Variants in EXOC3L2 observed in about 807,000 individuals in gnomAD.
EXOC3L2 encodes exocyst complex component 3-like protein 2.
EXOC3L2 carries 17 observed loss-of-function variants against 44.4 expected under a neutral mutation model. The observed-to-expected ratio is 0.38, with a 90% confidence interval of 0.26 to 0.57. The LOEUF (loss-of-function observed/expected upper bound fraction) is 0.57. Ranked by LOEUF, EXOC3L2 falls within the 20% of genes least tolerant of loss-of-function variation. The pLI is 0.65. For synonymous variants in EXOC3L2, 256 were observed against 253.7 expected (o/e 1.01, Z -0.09); for missense variants, 541 against 588.4 (o/e 0.92, Z 0.83).
chr19:45,230,905 C>T (rs1192475291), intron 4 of EXOC3L2, among the ~76,000 whole-genome samples: 2 of 151,282 alleles, frequency 1.3e-5, no homozygotes, highest in African/African-American at 2.4e-5. Flanking sequence ...GGCAAAATGG[C>T]AAGACCCTGT....
At chr19:45,244,349 T>C (rs1387140308) in intron 1 of EXOC3L2, among the ~76,000 whole-genome samples, 2 of 152,108 alleles carry the variant, frequency 1.3e-5, no homozygotes, top group Non-Finnish European at 1.5e-5. Flanking sequence ...TTCCCTCCAA[T>C]TGAAGTCAAC....
At chr19:45,224,971 A>C in intron 7 of EXOC3L2, 58 bp from the exon 8 acceptor site, 1 of 1,477,434 alleles carries the variant, frequency 6.8e-7, no homozygotes, top group Non-Finnish European at 9.0e-7. Context: ...CCAACTGCCT[A>C]GGCCTGTCTT....
chr19:45,213,484 T>G, intron 11 of EXOC3L2, 127 bp from the exon 12 acceptor site: 2 of 1,101,954 alleles, frequency 1.8e-6, no homozygotes, highest in Non-Finnish European at 2.6e-6. Context: ...GGCCTCTGTG[T>G]CCCCTCCAGA....
At chr19:45,219,998 C>T (rs775969647) in intron 8 of EXOC3L2, among the ~76,000 whole-genome samples, 8 of 151,246 alleles carry the variant, frequency 5.3e-5, no homozygotes, top group Non-Finnish European at 1.2e-4. Context: ...ATGGTGAAAC[C>T]CCATCTCTAC....
intron 8 of EXOC3L2, 123 bp downstream of exon 8, chr19:45,224,655 G>GC (rs1969935301): frequency 2.2e-6 from 3 of 1,372,972 alleles, no homozygotes; most frequent in South Asian, 1.6e-5. Flanking sequence ...AACTGCCCCT[G>GC]CCCCCCGCCC....
chr19:45,227,603 C>T (rs1210093425), intron 7 of EXOC3L2, 59 bp downstream of exon 7: 17 of 1,470,542 alleles, frequency 1.2e-5, no homozygotes, highest in Admixed American at 1.9e-5. Flanking sequence ...ATCCGGGCAT[C>T]CCAGGTCAGC....
At position 45,218,233 on chromosome 19, in the gene EXOC3L2, G is replaced by A. The variant is rs1969858761; in HGVS notation, c.1806C>T (p.Ala602=). The A allele has an allele frequency of 6.3e-7, 1 of 1,584,502 alleles. No homozygotes were observed. The highest frequency in any genetic ancestry group is 1.4e-5 in the African/African-American group (1 of 73,700). Residue 602 remains alanine, a synonymous_variant, in exon 9 of 12, where the codon GCC becomes GCT. Coordinates refer to ENST00000413988, the MANE Select transcript of EXOC3L2 (RefSeq NM_001382422.1). ...CGTCCTGCATTCTGCGCAGGGCCAGGGCCTGGGCACCCAGCGTGCCCACGA... is the reference window on the plus strand; with the variant it reads ...CGTCCTGCATTCTGCGCAGGGCCAGAGCCTGGGCACCCAGCGTGCCCACGA... ...DGIVGTLGAQ[A]LALRRMQDEP...
intron 1 of EXOC3L2, among the ~76,000 whole-genome samples, chr19:45,241,212 C>T (rs570098194): frequency 8.6e-5 from 13 of 152,026 alleles, no homozygotes; most frequent in Admixed American, 1.3e-4. Context: ...CAAACCAGGC[C>T]GGGTGCAGTG....
chr19:45,234,722 G>C lies in EXOC3L2; in HGVS notation c.628C>G (p.Pro210Ala). The change falls in exon 3 of 12, where the codon CCT becomes GCT. Residue 210 changes from proline (P) to alanine (A), a missense_variant. Physicochemically the swap from Pro to Ala is conservative, Grantham distance 27. Coordinates refer to ENST00000413988, the MANE Select transcript of EXOC3L2 (RefSeq NM_001382422.1). The surrounding 1 kb of genome is among the most constrained non-coding windows in gnomAD (Gnocchi z 5.0). ...EELAPSRGGA[P>A]GPPKAEGAGG... is the part of the protein sequence containing the mutation. ...GCGCCCTCGGCCTTGGGAGGCCCAG[G>C]CGCGCCGCCCCTCGACGGCGCCAGC... 2 of 392,396 alleles carry C rather than the reference G, an allele frequency of 5.1e-6. No homozygotes were observed. The highest frequency in any genetic ancestry group is 9.0e-6 in the Non-Finnish European group (2 of 221,992). The allele number at this position is 392,396 out of a possible 1,614,324, so 24.3% of individuals were successfully genotyped here.
intron 4 of EXOC3L2, 115 bp downstream of exon 4, chr19:45,231,648 A>C (rs1970032884): frequency 2.3e-6 from 2 of 886,748 alleles, no homozygotes; most frequent in Admixed American, 5.1e-5. Context: ...AGAAGTTCGT[A>C]AAGGGAAAAG....
At position 45,238,691 on chromosome 19, in the gene EXOC3L2, C is replaced by G. The variant is rs1183426774; in HGVS notation, c.355G>C (p.Glu119Gln). ...CGGGCGGCCTCCCCCGCTGCCTCCT[C>G]GTCGCCGTGGGCTCGGGTCCCATGC... is the stretch of plus-strand genomic sequence containing the variant. ...RLHGTRAHGD[E>Q]EAAGEAARRL... Residue 119 changes from glutamate (E) to glutamine (Q), a missense_variant, in exon 2 of 12, where the codon GAG (glutamate) becomes CAG (glutamine). Glu to Gln is a conservative substitution (Grantham distance 29). Transcript: ENST00000413988. This position sits in a 1 kb window ranked among gnomAD's most constrained non-coding sequence, Gnocchi z 5.5. The G allele has an allele frequency of 1.3e-5, 5 of 399,010 alleles. No individual in the cohort carries two copies. The highest frequency in any genetic ancestry group is 2.2e-5 in the Non-Finnish European group (5 of 226,000). The allele number at this position is 399,010 out of a possible 1,614,324, so 24.7% of individuals were successfully genotyped here.
At chr19:45,241,599 C>T (rs577599164) in intron 1 of EXOC3L2, among the ~76,000 whole-genome samples, 2 of 152,278 alleles carry the variant, frequency 1.3e-5, no homozygotes, top group East Asian at 3.9e-4. Context: ...AGCCTTCATG[C>T]TCTGGCAGCT....
intron 2 of EXOC3L2, among the ~76,000 whole-genome samples, chr19:45,235,594 C>G (rs67915086): frequency 0.36 from 53,999 of 151,838 alleles, 10,099 homozygotes; most frequent in African/African-American, 0.39. Context: ...TCGAGAAAGG[C>G]GAGTCGGGCT....
At chr19:45,242,618 T>C (rs1970139309) in intron 1 of EXOC3L2, among the ~76,000 whole-genome samples, 2 of 151,892 alleles carry the variant, frequency 1.3e-5, no homozygotes, top group South Asian at 4.2e-4. Context: ...TCCCAGCACT[T>C]TGGGAGGCCG....
At chr19:45,218,172 C>T in intron 9 of EXOC3L2, 25 bp downstream of exon 9, 1 of 1,349,054 alleles carries the variant, frequency 7.4e-7, no homozygotes. Flanking sequence ...CCACCCCCAC[C>T]TCCCCTCCCC....
chr19:45,229,160 A>G (rs2122977188), intron 4 of EXOC3L2, among the ~76,000 whole-genome samples: 1 of 149,982 alleles, frequency 6.7e-6, no homozygotes, highest in East Asian at 1.9e-4. Context: ...GCAAGGGCTT[A>G]ATTGTGTGTG....
At chr19:45,218,459 G>T in intron 8 of EXOC3L2, 140 bp from the exon 9 acceptor site, 1 of 1,176,280 alleles carries the variant, frequency 8.5e-7, no homozygotes, top group Non-Finnish European at 1.1e-6. Context: ...GATAGCCCCA[G>T]CCCTGGCATC....
chr19:45,213,177 G>A lies in EXOC3L2; in HGVS notation c.2301C>T (p.Leu767=). ...PVPRPSFCLS[L]PLFLGRLPLS... ...GGGGGAGGCGGCCCAGGAAGAGAGG[G>A]AGGCTGAGACAGAAAGATGGGCGGG... The change falls in exon 12 of 12, where the codon CTC becomes CTT. Residue 767 remains leucine (L), a synonymous_variant. Transcript: ENST00000413988. 6.2e-7 allele frequency: 1 copy of A among 1,602,780 alleles called. No individual in the cohort carries two copies. Among genetic ancestry groups the A allele is most frequent in the Non-Finnish European group, 8.5e-7 (1 of 1,174,460 alleles).
chr19:45,229,212 GTATTAA>G (rs1970000734), intron 4 of EXOC3L2, among the ~76,000 whole-genome samples: 1 of 121,174 alleles, frequency 8.3e-6, no homozygotes, highest in African/African-American at 3.4e-5. Context: ...ATATATTTAT[GTATTAA>G]ATATATACAT....
Sources: gnomAD v4.1 joint callset for allele counts (sites outside exome capture counted in the v4.1 genomes callset) on GRCh38, gnomAD v4.1.1 for gene constraint, Gnocchi (gnomAD v3.1) non-coding constraint, MANE v1.5 for transcripts, NCBI Gene and HGNC (gene_info 2026-07-23, HGNC 2026-07-21) for gene names.